The following ADIPOR2 variants were observed in gnomAD, a reference collection of about 807,000 sequenced individuals.
ADIPOR2 encodes adiponectin receptor 2, also known as adiponectin receptor protein 2.
In ADIPOR2, 18 loss-of-function variants were observed where a neutral mutation model predicts 40.9. The observed-to-expected ratio is 0.44, with a 90% CI of 0.30 to 0.65. The LOEUF is 0.65. ADIPOR2 is among the 30% of genes least tolerant of loss of function. The pLI is 0.09. For missense variants in ADIPOR2, 283 were observed against 479.2 expected (o/e 0.59, Z 3.82); for synonymous variants, 165 against 166.4 (o/e 0.99, Z 0.06).
chr12:1,781,657 G>T (rs1017017252), intron 6 of ADIPOR2, among the ~76,000 whole-genome samples: 3 of 152,120 alleles, frequency 2.0e-5, no homozygotes, highest in Non-Finnish European at 4.4e-5. Context: ...CCTTGGCTGA[G>T]TCTTCTTGTA....
chr12:1,775,952 A>G (rs1264587416), intron 3 of ADIPOR2, among the ~76,000 whole-genome samples: 2 of 152,152 alleles, frequency 1.3e-5, no homozygotes, highest in Non-Finnish European at 2.9e-5. Context: ...AAAAATATAG[A>G]TTAGTCTTTT....
intron 7 of ADIPOR2, among the ~76,000 whole-genome samples, chr12:1,784,820 G>A (rs945290591): frequency 8.5e-5 from 13 of 152,186 alleles, no homozygotes; most frequent in Non-Finnish European, 1.3e-4. Flanking sequence ...TTGGAAATAC[G>A]CTTAATGTGA....
intron 6 of ADIPOR2, among the ~76,000 whole-genome samples, chr12:1,781,642 C>T (rs1264204142): frequency 6.6e-6 from 1 of 152,180 alleles, no homozygotes; most frequent in Non-Finnish European, 1.5e-5. Flanking sequence ...ACAAGCCCCT[C>T]AGTGCCTTGG....
At chr12:1,785,068 C>T (rs181202176) in intron 7 of ADIPOR2, among the ~76,000 whole-genome samples, 1 of 152,084 alleles carries the variant, frequency 6.6e-6, no homozygotes, top group Admixed American at 6.5e-5. Context: ...AAATTAATCC[C>T]CTTTGGTTTC....
rs1002140394 is a variant in ADIPOR2, at chr12:1,712,682, C to T, written c.-87+21491C>T. Among the ~76,000 whole-genome samples the T allele has an allele frequency of 3.3e-5, 5 of 152,196 alleles. No individual in the cohort carries two copies. In the South Asian group the frequency reaches 1.0e-3, roughly 32 times the overall value. ...TCCCATTCTACTAGATGAGTATTTG[C>T]CCTCTGGGTCTCCTTTATTAGAGTA... On this transcript the variant is annotated intron_variant, in intron 1 of 7. Coordinates refer to ENST00000357103, the MANE Select transcript of ADIPOR2 (RefSeq NM_024551.3).
At chr12:1,720,001 G>C (rs2094694801) in intron 1 of ADIPOR2, among the ~76,000 whole-genome samples, 2 of 152,092 alleles carry the variant, frequency 1.3e-5, no homozygotes, top group Non-Finnish European at 2.9e-5. Context: ...ACCATGCTTG[G>C]TGTTGTGGAT....
intron 1 of ADIPOR2, among the ~76,000 whole-genome samples, chr12:1,728,814 T>G (rs1240753193): frequency 6.6e-6 from 1 of 152,124 alleles, no homozygotes; most frequent in Non-Finnish European, 1.5e-5. Flanking sequence ...AAATTTTCTG[T>G]GTTAGTAGAA....
At chr12:1,768,042 T>G (rs2154444011) in intron 2 of ADIPOR2, among the ~76,000 whole-genome samples, 1 of 152,320 alleles carries the variant, frequency 6.6e-6, no homozygotes, top group South Asian at 2.1e-4. Flanking sequence ...TATAGGGGCC[T>G]TAGATCTTAG....
intron 2 of ADIPOR2, among the ~76,000 whole-genome samples, chr12:1,755,255 T>C (rs751391558): frequency 3.3e-5 from 5 of 151,940 alleles, no homozygotes; most frequent in Non-Finnish European, 5.9e-5. Flanking sequence ...ACTTTTTGTA[T>C]TTTTAGTAGA....
At chr12:1,784,551 C>T (rs904541279) in intron 7 of ADIPOR2, among the ~76,000 whole-genome samples, 2 of 152,188 alleles carry the variant, frequency 1.3e-5, no homozygotes, top group African/African-American at 4.8e-5. Context: ...ACCAGATTTT[C>T]ACCAGAGCCC....
chr12:1,755,550 C>T (rs1209923863), intron 2 of ADIPOR2, among the ~76,000 whole-genome samples: 1 of 152,166 alleles, frequency 6.6e-6, no homozygotes, highest in African/African-American at 2.4e-5. Flanking sequence ...TGTTTACCTC[C>T]AGTGTATACC....
intron 1 of ADIPOR2, among the ~76,000 whole-genome samples, chr12:1,718,300 A>T (rs909498229): frequency 6.6e-6 from 1 of 152,058 alleles, no homozygotes; most frequent in Non-Finnish European, 1.5e-5. Context: ...AAAGACTGTT[A>T]CACTTCTTGG....
At chr12:1,760,492 C>T (rs1862242307) in intron 2 of ADIPOR2, among the ~76,000 whole-genome samples, 1 of 152,186 alleles carries the variant, frequency 6.6e-6, no homozygotes, top group Admixed American at 6.5e-5. Flanking sequence ...CATCTCTACC[C>T]CCAACCCTAG....
chr12:1,692,086 C>CT (rs5795977), intron 1 of ADIPOR2, among the ~76,000 whole-genome samples: 97,222 of 146,236 alleles, frequency 0.66, 32,376 homozygotes, highest in African/African-American at 0.7. Context: ...CAAAAGCAGA[C>CT]TTTTTTTTTT....
intron 1 of ADIPOR2, among the ~76,000 whole-genome samples, chr12:1,700,961 A>G (rs2094648971): frequency 6.6e-6 from 1 of 152,138 alleles, no homozygotes; most frequent in African/African-American, 2.4e-5. Flanking sequence ...AGAGACCAAT[A>G]TAATTAACAT....
intron 1 of ADIPOR2, among the ~76,000 whole-genome samples, chr12:1,748,394 G>T (rs530992767): frequency 6.6e-6 from 1 of 151,972 alleles, no homozygotes; most frequent in Admixed American, 6.6e-5. Context: ...AACTACAGGT[G>T]CCCGCCACCA....
intron 1 of ADIPOR2, among the ~76,000 whole-genome samples, chr12:1,746,647 AACAG>A: frequency 6.6e-6 from 1 of 152,370 alleles, no homozygotes; most frequent in East Asian, 1.9e-4. Context: ...CTCATTGAGC[AACAG>A]ACAGATCTAA....
intron 1 of ADIPOR2, among the ~76,000 whole-genome samples, chr12:1,738,861 A>G (rs2094736737): frequency 1.3e-5 from 2 of 152,180 alleles, no homozygotes; most frequent in Non-Finnish European, 2.9e-5. Context: ...ACAAAGGAAT[A>G]TTTTTCTCGA....
At chr12:1,713,596 GACA>G (rs893499247) in intron 1 of ADIPOR2, among the ~76,000 whole-genome samples, 2 of 152,006 alleles carry the variant, frequency 1.3e-5, no homozygotes, top group African/African-American at 4.8e-5. Context: ...TCAAGCAGGG[GACA>G]ACAAATTGGT....
Sources: allele counts gnomAD v4.1 joint callset (sites outside exome capture counted in the v4.1 genomes callset), GRCh38; gene constraint gnomAD v4.1.1; transcripts MANE v1.5; gene names NCBI Gene and HGNC (gene_info 2026-07-23, HGNC 2026-07-21).